The following CIMAP1D variants were observed in gnomAD, a reference collection of about 807,000 sequenced individuals.
CIMAP1D encodes protein CIMAP1D.
the CIMAP1D span, among the ~76,000 whole-genome samples, chr19:487,698 G>T: frequency 2.0e-5 from 3 of 152,136 alleles, no homozygotes; most frequent in Admixed American, 1.3e-4. Context: ...AGGCAGGGGG[G>T]ATCAGCTGAG....
the CIMAP1D span, among the ~76,000 whole-genome samples, chr19:482,385 C>T: frequency 6.6e-6 from 1 of 152,130 alleles, no homozygotes; most frequent in Admixed American, 6.5e-5. Flanking sequence ...TGGTGCTCAG[C>T]CATGGGTGTT....
chr19:477,512 A>G, the CIMAP1D span, among the ~76,000 whole-genome samples: 1 of 144,610 alleles, frequency 6.9e-6, no homozygotes, highest in African/African-American at 2.8e-5. Flanking sequence ...TGAACCCTGG[A>G]GGTGGAGGTT....
chr19:475,035 C>T, the CIMAP1D span: 8 of 330,370 alleles, frequency 2.4e-5, no homozygotes, highest in South Asian at 3.0e-4. Context: ...CAGCAGAGTG[C>T]GTCTCCCGGG....
At chr19:490,333 G>A in the CIMAP1D span, 12,499 of 240,752 alleles carry the variant, frequency 0.052, 1,525 homozygotes, top group African/African-American at 0.27. Context: ...TCCAGCCTGG[G>A]CGACAAGAGT....
the CIMAP1D span, chr19:472,733 G>T: frequency 1.9e-6 from 1 of 513,940 alleles, no homozygotes; most frequent in Non-Finnish European, 3.5e-6. Context: ...CTCACCCTGG[G>T]GCACAGACAG....
the CIMAP1D span, among the ~76,000 whole-genome samples, chr19:486,081 G>A: frequency 1.3e-3 from 197 of 152,342 alleles, 2 homozygotes; most frequent in Non-Finnish European, 1.2e-3. Flanking sequence ...TGCTGTCCCC[G>A]TGGGACAGTG....
the CIMAP1D span, among the ~76,000 whole-genome samples, chr19:488,451 G>A: frequency 2.6e-5 from 4 of 152,256 alleles, no homozygotes; most frequent in African/African-American, 9.6e-5. Context: ...GAACCCGGGA[G>A]GCGGAGCTTG....
At chr19:464,291 C>T in the CIMAP1D span, 7 of 1,541,730 alleles carry the variant, frequency 4.5e-6, no homozygotes, top group African/African-American at 4.1e-5. Flanking sequence ...GGGTGAAAGC[C>T]GGCGGTGTCC....
At chr19:472,735 C>T in the CIMAP1D span, 1 of 515,390 alleles carries the variant, frequency 1.9e-6, no homozygotes, top group Non-Finnish European at 3.4e-6. Context: ...CACCCTGGGG[C>T]ACAGACAGGG....
the CIMAP1D span, among the ~76,000 whole-genome samples, chr19:482,273 C>T: frequency 9.8e-4 from 149 of 152,296 alleles, no homozygotes; most frequent in African/African-American, 3.4e-3. Flanking sequence ...CAGTGTGGAG[C>T]GTCCACAGTT....
At chr19:484,228 C>A in the CIMAP1D span, among the ~76,000 whole-genome samples, 1 of 150,358 alleles carries the variant, frequency 6.7e-6, no homozygotes, top group Non-Finnish European at 1.5e-5. Flanking sequence ...ACAATCTCTG[C>A]CTCCCGGGCT....
chr19:487,163 G>C, the CIMAP1D span, among the ~76,000 whole-genome samples: 1 of 152,118 alleles, frequency 6.6e-6, no homozygotes, highest in Non-Finnish European at 1.5e-5. Context: ...CTATTGCAGC[G>C]GCGGCTGGAG....
chr19:482,749 G>A, the CIMAP1D span, among the ~76,000 whole-genome samples: 2 of 152,122 alleles, frequency 1.3e-5, no homozygotes, highest in African/African-American at 2.4e-5. Flanking sequence ...GTGGACCTAG[G>A]ACTCAAGTCC....
the CIMAP1D span, among the ~76,000 whole-genome samples, chr19:481,038 A>T: frequency 2.0e-4 from 29 of 147,320 alleles, no homozygotes; most frequent in Non-Finnish European, 3.3e-4. Flanking sequence ...GGAATGTGGG[A>T]AGGATGATGG....
chr19:480,642 G>GA, the CIMAP1D span, among the ~76,000 whole-genome samples: 26 of 95,374 alleles, frequency 2.7e-4, no homozygotes, highest in East Asian at 8.9e-4. Context: ...AAGGATGATG[G>GA]TAAGGATGAT....
the CIMAP1D span, among the ~76,000 whole-genome samples, chr19:469,509 G>A: frequency 5.3e-5 from 8 of 152,090 alleles, no homozygotes; most frequent in African/African-American, 1.9e-4. Flanking sequence ...GGCCAATATG[G>A]TGAAACCCTG....
chr19:486,292 G>C, the CIMAP1D span, among the ~76,000 whole-genome samples: 2,186 of 152,258 alleles, frequency 0.014, 44 homozygotes, highest in African/African-American at 0.049. Context: ...CTCTCTGGCT[G>C]CGTTGGTCCC....
the CIMAP1D span, chr19:474,746 A>G: frequency 6.5e-7 from 1 of 1,528,472 alleles, no homozygotes; most frequent in African/African-American, 1.4e-5. Flanking sequence ...GAGGGTCCCC[A>G]TGGTGGGCAG....
chr19:464,395 G>A, the CIMAP1D span: 1 of 1,343,092 alleles, frequency 7.4e-7, no homozygotes, highest in East Asian at 2.5e-5. Flanking sequence ...AGGTGGCACT[G>A]ATGTCCTCAC....
Sources: allele counts gnomAD v4.1 joint callset (sites outside exome capture counted in the v4.1 genomes callset), GRCh38; gene constraint gnomAD v4.1.1; transcripts MANE v1.5; gene names NCBI Gene and HGNC (gene_info 2026-07-23, HGNC 2026-07-21).